Variants in SRP19 observed in about 807,000 individuals in gnomAD.
SRP19 encodes the protein signal recognition particle 19 kDa protein.
In SRP19, 11 loss-of-function variants were observed where a neutral mutation model predicts 22.4. That is an observed-to-expected ratio of 0.49 (90% confidence interval 0.31 to 0.81). SRP19 has a LOEUF of 0.81. SRP19 is among the 40% of genes least tolerant of loss of function. The pLI is 0.05. For synonymous variants in SRP19, 61 were observed against 57.6 expected, an observed-to-expected ratio of 1.06 and a Z score of -0.27; for missense variants, 168 against 175.9, an observed-to-expected ratio of 0.96 and a Z score of 0.25.
At chr5:112,870,234 C>T (rs577358966), downstream of SRP19, among the ~76,000 whole-genome samples, 18 of 152,228 alleles carry the variant, frequency 1.2e-4, no homozygotes, top group South Asian at 3.3e-3. Flanking sequence ...CACCTATAAT[C>T]GCGGCACATT....
intron 4 of SRP19, among the ~76,000 whole-genome samples, chr5:112,890,068 C>G (rs1299514404): frequency 6.7e-6 from 1 of 150,278 alleles, no homozygotes; most frequent in Non-Finnish European, 1.5e-5. Context: ...CTCAAATGAT[C>G]CACCCCCATC....
At chr5:112,867,309 ATG>A in intron 4 of SRP19, 93 bp from the exon 5 acceptor site, 3 of 1,392,346 alleles carry the variant, frequency 2.2e-6, no homozygotes, top group Non-Finnish European at 2.9e-6. Context: ...CATTTTCTTG[ATG>A]TGATAGTTTC....
At chr5:112,895,967 C>T (rs752038391), downstream of SRP19, 1 of 152,232 alleles carries the variant, frequency 6.6e-6, no homozygotes, top group African/African-American at 2.4e-5. Context: ...CCTTAAATTA[C>T]GAATTACAAC....
chr5:112,867,685 G>A lies in SRP19; in HGVS notation c.*148G>A. The stretch of plus-strand genomic sequence containing the variant: ...GCCTCTCATCTTTATCATCGGAGTT[G>A]ACAGTGAAACAAATTTACATCAGAA... On this transcript the variant is annotated 3_prime_UTR_variant, in exon 5 of 5. Transcript: ENST00000505459. 7.4e-7 allele frequency: 1 copy of A among 1,357,076 alleles called. No homozygotes were observed. Among genetic ancestry groups the A allele is most frequent in the African/African-American group, 1.5e-5 (1 of 68,850 alleles). 84.1% of individuals were successfully genotyped at this position (1,357,076 alleles called of 1,614,324 possible). A position where few individuals can be genotyped will look rare whatever the true frequency, so the allele number is the denominator to read the frequency against.
chr5:112,880,105 C>G (rs1200737373), intron 4 of SRP19, among the ~76,000 whole-genome samples: 1 of 152,052 alleles, frequency 6.6e-6, no homozygotes, highest in East Asian at 1.9e-4. Flanking sequence ...TGACAAGACA[C>G]TACATTCATC....
intron 4 of SRP19, among the ~76,000 whole-genome samples, chr5:112,888,628 A>G (rs1260972425): frequency 7.0e-6 from 1 of 142,806 alleles, no homozygotes; most frequent in Non-Finnish European, 1.5e-5. Flanking sequence ...AAGTGTCACA[A>G]TGTTGTCCAG....
intron 4 of SRP19, among the ~76,000 whole-genome samples, chr5:112,875,578 G>A (rs1767876016): frequency 1.3e-5 from 2 of 151,970 alleles, no homozygotes; most frequent in Non-Finnish European, 2.9e-5. Context: ...ATGTGGCCCA[G>A]GCTAGTCTTG....
At chr5:112,879,845 GAGGT>G (rs2150033027) in intron 4 of SRP19, among the ~76,000 whole-genome samples, 1 of 152,158 alleles carries the variant, frequency 6.6e-6, no homozygotes, top group African/African-American at 2.4e-5. Flanking sequence ...TTGGGAGGCT[GAGGT>G]GGGAAGATCG....
intron 4 of SRP19, among the ~76,000 whole-genome samples, chr5:112,888,791 T>G (rs575179211): frequency 6.6e-6 from 1 of 150,938 alleles, no homozygotes; most frequent in Non-Finnish European, 1.5e-5. Flanking sequence ...GAGGCCAAGG[T>G]GCAAGGATTG....
At chr5:112,872,036 T>A (rs1353626310), downstream of SRP19, among the ~76,000 whole-genome samples, 2 of 152,260 alleles carry the variant, frequency 1.3e-5, no homozygotes, top group Non-Finnish European at 2.9e-5. Flanking sequence ...GTTTCTGTTT[T>A]AGGCATTAAC....
intron 4 of SRP19, among the ~76,000 whole-genome samples, chr5:112,881,450 C>T (rs1285861618): frequency 6.6e-6 from 1 of 152,180 alleles, no homozygotes; most frequent in Non-Finnish European, 1.5e-5. Flanking sequence ...ACTCAAGACC[C>T]ATCACTGGCA....
chr5:112,862,562 A>G lies in SRP19; in HGVS notation c.96A>G (p.Gly32=). 1 of 1,613,896 alleles carries G rather than the reference A, an allele frequency of 6.2e-7. No individual in the cohort carries two copies. Among genetic ancestry groups the G allele is most frequent in the Non-Finnish European group, 8.5e-7 (1 of 1,179,942 alleles). ...YLNNKKTIAE[G]RRIPISKAVE... is the part of the protein sequence containing the mutation. ...ATAATAAGAAGACCATCGCAGAGGG[A>G]AGGCGAATCCCCATAAGTAAGGTAA... Residue 32 remains glycine (G), a synonymous_variant, in exon 2 of 5, where the codon GGA becomes GGG. Transcript: ENST00000505459.
At chr5:112,874,011 A>T (rs572395183), downstream of SRP19, among the ~76,000 whole-genome samples, 2 of 151,964 alleles carry the variant, frequency 1.3e-5, no homozygotes, top group South Asian at 2.1e-4. Context: ...AAAAAAAAAT[A>T]AAAAATTAGA....
At chr5:112,894,575 T>G (rs376156474), downstream of SRP19, 32 of 152,352 alleles carry the variant, frequency 2.1e-4, no homozygotes, top group African/African-American at 6.5e-4. Flanking sequence ...GGTGGACATT[T>G]TGAAGAATAT....
At chr5:112,892,523 G>A (rs1183987551) in exon 5 of SRP19, 10 of 1,614,208 alleles carry the variant, frequency 6.2e-6, no homozygotes, top group Admixed American at 1.7e-5. Context: ...TTTAACGGAC[G>A]ATGGTATGCA....
At position 112,867,798 on chromosome 5, in the gene SRP19, G is replaced by T; in HGVS notation, c.*261G>T. On this transcript the variant is annotated 3_prime_UTR_variant, in exon 5 of 5. Coordinates refer to ENST00000505459, the MANE Select transcript of SRP19 (RefSeq NM_003135.3). ...AAGAAAATATTTTTAAATGGACAAT[G>T]GACTGTACAATAAGTTACTTGAAAT... 1 of 1,162,036 alleles carries T rather than the reference G, an allele frequency of 8.6e-7. No individual in the cohort carries two copies. The highest frequency in any genetic ancestry group is 1.1e-6 in the Non-Finnish European group (1 of 942,454). The allele number at this position is 1,162,036 out of a possible 1,614,324, so 72.0% of individuals were successfully genotyped here.
chr5:112,892,436 A>G (rs2150039724), exon 5 of SRP19: 12 of 1,614,134 alleles, frequency 7.4e-6, no homozygotes, highest in Non-Finnish European at 1.0e-5. Context: ...GTCAGCTGCA[A>G]TTTGGAACCT....
At chr5:112,887,078 C>A in intron 4 of SRP19, 1 of 1,613,760 alleles carries the variant, frequency 6.2e-7, no homozygotes, top group Non-Finnish European at 8.5e-7. Context: ...ACCACACTGT[C>A]CATCTGGGAC....
At chr5:112,879,643 T>G (rs1228247348) in intron 4 of SRP19, among the ~76,000 whole-genome samples, 1 of 151,888 alleles carries the variant, frequency 6.6e-6, no homozygotes, top group African/African-American at 2.4e-5. Flanking sequence ...CCAGCTAATT[T>G]TTTTTTGTAT....
Sources: allele counts gnomAD v4.1 joint callset (sites outside exome capture counted in the v4.1 genomes callset), GRCh38; gene constraint gnomAD v4.1.1; transcripts MANE v1.5; gene names NCBI Gene and HGNC (gene_info 2026-07-23, HGNC 2026-07-21).